Variants in ATP11A observed in about 807,000 individuals in gnomAD.
The protein encoded by ATP11A is ATPase phospholipid transporting 11A, also known as phospholipid-transporting ATPase IH.
Under a neutral mutation model 154.4 loss-of-function variants are expected in ATP11A, and 81 were observed. The ratio of observed to expected loss-of-function variants is 0.52; its 90% CI spans 0.44 to 0.63. The LOEUF (loss-of-function observed/expected upper bound fraction) is 0.63, where lower values mean the gene tolerates loss of function less well. Among genes scored for constraint, ATP11A ranks in the 30% least tolerant of loss-of-function variants. ATP11A has a pLI of 0.00. For synonymous variants in ATP11A, 623 were observed against 585.9 expected (o/e 1.06, Z -0.91); for missense variants, 1,316 against 1,474.3 (o/e 0.89, Z 1.76).
Position 112,792,420 on chromosome 13 carries a change from C to T in ATP11A, c.162+7163C>T, listed in dbSNP as rs79094264. On this transcript the variant is annotated intron_variant, in intron 2 of 29. Coordinates refer to ENST00000375645, the MANE Select transcript of ATP11A (RefSeq NM_015205.3). ...ATGTATCTATGTTTTCCTGGGGTGGCGGAGGAAATGATTTCTACCTAAAAA... is the reference window on the plus strand; with the variant it reads ...ATGTATCTATGTTTTCCTGGGGTGGTGGAGGAAATGATTTCTACCTAAAAA... Among the ~76,000 whole-genome samples the T allele has an allele frequency of 1.6e-3, 241 of 152,010 alleles. 2 individuals are homozygous for T. In the East Asian group the frequency reaches 0.035, roughly 22 times the overall value.
At chr13:112,817,620 C>G (rs1424643170) in intron 6 of ATP11A, among the ~76,000 whole-genome samples, 2 of 152,200 alleles carry the variant, frequency 1.3e-5, no homozygotes, top group Non-Finnish European at 1.5e-5. Context: ...TACACCCCTT[C>G]CCTGCAGACT....
Position 112,886,488 on chromosome 13 carries a change from C to G in ATP11A, c.*4622C>G, listed in dbSNP as rs2080982897. 1 of 152,186 alleles carries G rather than the reference C, an allele frequency of 6.6e-6. No individual in the cohort carries two copies. Among genetic ancestry groups the G allele is most frequent in the African/African-American group, 2.4e-5 (1 of 41,378 alleles). 9.4% of individuals were successfully genotyped at this position (152,186 alleles called of 1,614,324 possible). On this transcript the variant is annotated 3_prime_UTR_variant, in exon 30 of 30. Coordinates refer to ENST00000375645, the MANE Select transcript of ATP11A (RefSeq NM_015205.3). ...ATCCTACATTTCTTTAGGAAGTTACCCATTTGTAACTTTAAAAACAGGAAA... is the reference window on the plus strand; with the variant it reads ...ATCCTACATTTCTTTAGGAAGTTACGCATTTGTAACTTTAAAAACAGGAAA...
rs148973555 is a variant in ATP11A at position 112,730,093 on chromosome 13, G to A, written c.39+39638G>A. Among the ~76,000 whole-genome samples the A allele has an allele frequency of 5.4e-3, 826 of 152,260 alleles. 7 individuals carry two copies. Among genetic ancestry groups the A allele is most frequent in the African/African-American group, 0.018 (744 of 41,530 alleles). ...TGGTGGAGGACGAGTTTCTTCATGG[G>A]AAATAAAAGAGCCCGTGGGAACCCT... On this transcript the variant is annotated intron_variant, in intron 1 of 29. Coordinates refer to ENST00000375645, the MANE Select transcript of ATP11A (RefSeq NM_015205.3).
intron 18 of ATP11A, chr13:112,851,805 G>T: frequency 6.6e-6 from 1 of 152,396 alleles, no homozygotes. Context: ...TTGCAGGCAT[G>T]AGCAGTCATG....
At chr13:112,787,713 A>T in intron 2 of ATP11A, among the ~76,000 whole-genome samples, 1 of 149,798 alleles carries the variant, frequency 6.7e-6, no homozygotes, top group African/African-American at 2.5e-5. Flanking sequence ...TCCTGTGGAG[A>T]CCTACTTAAT....
intron 1 of ATP11A, among the ~76,000 whole-genome samples, chr13:112,719,772 C>G (rs932865348): frequency 6.6e-6 from 1 of 152,202 alleles, no homozygotes; most frequent in African/African-American, 2.4e-5. Context: ...GTTTTGGGAC[C>G]TGTCACTTCT....
intron 1 of ATP11A, among the ~76,000 whole-genome samples, chr13:112,725,841 C>T (rs1437679422): frequency 6.6e-6 from 1 of 152,026 alleles, no homozygotes; most frequent in Non-Finnish European, 1.5e-5. Flanking sequence ...CAGGTGAGAA[C>T]GATAGAAATG....
At chr13:112,872,920 G>A (rs1021869879) in intron 26 of ATP11A, among the ~76,000 whole-genome samples, 105 of 147,196 alleles carry the variant, frequency 7.1e-4, no homozygotes, top group Middle Eastern at 3.5e-3. Flanking sequence ...CTTCCTGAGC[G>A]GTGTGAGGTG....
chr13:112,721,813 T>A (rs1167534464), intron 1 of ATP11A, among the ~76,000 whole-genome samples: 2 of 152,198 alleles, frequency 1.3e-5, no homozygotes, highest in East Asian at 3.9e-4. Flanking sequence ...TTTCCCAAAT[T>A]CAGATTAGTA....
At chr13:112,704,836 C>G (rs1470437285) in intron 1 of ATP11A, among the ~76,000 whole-genome samples, 1 of 152,226 alleles carries the variant, frequency 6.6e-6, no homozygotes, top group Non-Finnish European at 1.5e-5. Context: ...CAATGAGGTC[C>G]TGCCAGTAGA....
intron 1 of ATP11A, among the ~76,000 whole-genome samples, chr13:112,780,381 G>A (rs999923756): frequency 6.6e-6 from 1 of 152,174 alleles, no homozygotes; most frequent in Admixed American, 6.5e-5. Context: ...GCCCCCGGCA[G>A]CCCCCGTCTC....
Position 112,859,211 on chromosome 13 carries a change from T to TC in ATP11A, c.2668-181dup, listed in dbSNP as rs2080027258. ...TCTGTCCTGAGTGGCCAAAACGTGG[T>TC]CACATGTGCATTTCAGTTGCCCCTG... On this transcript the variant is annotated intron_variant, in intron 22 of 29. Transcript: ENST00000375645. The surrounding 1 kb of genome is among the most constrained non-coding windows in gnomAD (Gnocchi z 4.3). The TC allele has an allele frequency of 1.6e-6, 1 of 623,126 alleles. No individual in the cohort carries two copies. The highest frequency in any genetic ancestry group is 1.8e-5 in the African/African-American group (1 of 55,098). 38.6% of individuals were successfully genotyped at this position (623,126 alleles called of 1,614,324 possible).
intron 25 of ATP11A, among the ~76,000 whole-genome samples, chr13:112,864,887 C>CA (rs1407374230): frequency 1.3e-5 from 1 of 79,002 alleles, no homozygotes; most frequent in African/African-American, 4.4e-5. Context: ...CAGTGCAGGC[C>CA]TGCGCAGCTT....
Position 112,805,097 on chromosome 13 carries a change from G to A in ATP11A, c.252+51G>A, listed in dbSNP as rs372379222. ...TCATCACATATAAATCTAAATAAGT[G>A]ACATTTTATTCTCAGGTAACTGCCA... On this transcript the variant is annotated intron_variant, in intron 3 of 29. Coordinates refer to ENST00000375645, the MANE Select transcript of ATP11A (RefSeq NM_015205.3). 6.9e-5 allele frequency: 95 copies of A among 1,381,338 alleles called. No homozygotes were observed. The East Asian group carries it at 1.4e-3, about 20-fold the overall frequency. 85.6% of individuals were successfully genotyped at this position (1,381,338 alleles called of 1,614,324 possible).
rs932157118 is a variant in ATP11A at position 112,700,937 on chromosome 13, C to T, written c.39+10482C>T. Among the ~76,000 whole-genome samples, 3 of 152,240 alleles carry T rather than the reference C, an allele frequency of 2.0e-5. 1 individual carries two copies. The highest frequency in any genetic ancestry group is 2.9e-5 in the Non-Finnish European group (2 of 68,042). On this transcript the variant is annotated intron_variant, in intron 1 of 29. Coordinates refer to ENST00000375645, the MANE Select transcript of ATP11A (RefSeq NM_015205.3). ...TGGGCTTGGACCTGCTTCTCTCGCC[C>T]ACTTATCTGTGTATCTCTGAGTAGT...
intron 4 of ATP11A, among the ~76,000 whole-genome samples, chr13:112,809,930 C>T (rs540845651): frequency 1.1e-4 from 17 of 152,312 alleles, no homozygotes; most frequent in Middle Eastern, 3.4e-3. Context: ...CATCCAGGTC[C>T]GTCAGCGCGG....
chr13:112,852,784 G>T lies in ATP11A; in HGVS notation c.1992-1495G>T, dbSNP rs541224325. ...AGAGTGGAGAGTTAATGCCTGGTTG[G>T]CGGGGGGGGATCTCAGTGGCTTTTT... On this transcript the variant is annotated intron_variant, in intron 18 of 29. Coordinates refer to ENST00000375645, the MANE Select transcript of ATP11A (RefSeq NM_015205.3). 4.9e-3 allele frequency among the ~76,000 whole-genome samples: 672 copies of T among 138,214 alleles called. 16 individuals are homozygous for T. The highest frequency in any genetic ancestry group is 0.019 in the African/African-American group (623 of 32,668). 90.7% of individuals were successfully genotyped at this position (138,214 alleles called of 152,430 possible). A position where few individuals can be genotyped will look rare whatever the true frequency, so the allele number is the denominator to read the frequency against.
At position 112,839,697 on chromosome 13, in the gene ATP11A, T is replaced by G. The variant is rs570335844; in HGVS notation, c.1706-2579T>G. On this transcript the variant is annotated intron_variant, in intron 16 of 29. Coordinates refer to ENST00000375645, the MANE Select transcript of ATP11A (RefSeq NM_015205.3). ...TTAACTTTTGCTCTGTCCTCTGGGT[T>G]TTTTTATTCCAAGGCTGTTCCTCAC... is the stretch of plus-strand genomic sequence containing the variant. Among the ~76,000 whole-genome samples, 145 of 152,264 alleles carry G rather than the reference T, an allele frequency of 9.5e-4. 2 individuals are homozygous for G. In the Middle Eastern group the frequency reaches 0.024, roughly 25 times the overall value.
chr13:112,836,308 C>A, intron 16 of ATP11A, 57 bp downstream of exon 16: 1 of 1,067,354 alleles, frequency 9.4e-7, no homozygotes, highest in Non-Finnish European at 1.4e-6. Flanking sequence ...GTGTTTTATT[C>A]TGATGACTAA....
Sources: gnomAD v4.1 joint callset for allele counts (sites outside exome capture counted in the v4.1 genomes callset) on GRCh38, gnomAD v4.1.1 for gene constraint, Gnocchi (gnomAD v3.1) non-coding constraint, MANE v1.5 for transcripts, NCBI Gene and HGNC (gene_info 2026-07-23, HGNC 2026-07-21) for gene names.